ZCCHC8: variants seen among roughly 807,000 people sequenced by gnomAD.
The protein encoded by ZCCHC8 is zinc finger CCHC domain-containing protein 8.
In ZCCHC8, 27 loss-of-function variants were observed where a neutral mutation model predicts 70.6. That is an observed-to-expected ratio of 0.38 (90% CI 0.28 to 0.53). ZCCHC8 has a LOEUF of 0.53. ZCCHC8 is among the 20% of genes least tolerant of loss of function. The probability of loss-of-function intolerance (pLI) is 0.81; values close to 1 mark genes in which losing one functional copy is unlikely to be tolerated. For missense variants in ZCCHC8, 737 were observed against 876.9 expected, an observed-to-expected ratio of 0.84 and a Z score of 2.01; for synonymous variants, 293 against 317.4, an observed-to-expected ratio of 0.92 and a Z score of 0.82.
intron 2 of ZCCHC8, among the ~76,000 whole-genome samples, chr12:122,496,821 T>C (rs923570616): frequency 6.6e-6 from 1 of 151,908 alleles, no homozygotes; most frequent in Non-Finnish European, 1.5e-5. Flanking sequence ...TTAGCTCACA[T>C]AGAGAAAAAA....
intron 1 of ZCCHC8, 162 bp from the exon 2 acceptor site, chr12:122,499,031 T>A: frequency 1.4e-6 from 1 of 699,808 alleles, no homozygotes; most frequent in Non-Finnish European, 2.4e-6. Flanking sequence ...GTTGCAGGGG[T>A]AGGCTTTTGA....
Position 122,473,289 on chromosome 12 carries a change from T to C in ZCCHC8, c.*208A>G, listed in dbSNP as rs1957347263. ...CTCTAAACCAGGTCATATTCACATC[T>C]CCCCCCAAGTTTTGTCAGTGAGAAT... On this transcript the variant is annotated 3_prime_UTR_variant, in exon 14 of 14. Transcript: ENST00000633063. 6.9e-6 allele frequency: 4 copies of C among 582,400 alleles called. No individual in the cohort carries two copies. Among genetic ancestry groups the C allele is most frequent in the Middle Eastern group, 4.7e-4 (1 of 2,150 alleles). 36.1% of individuals were successfully genotyped at this position (582,400 alleles called of 1,614,324 possible).
chr12:122,491,562 C>T (rs1253957922), intron 3 of ZCCHC8, among the ~76,000 whole-genome samples: 2 of 146,760 alleles, frequency 1.4e-5, no homozygotes. Context: ...GGTGCGGTGC[C>T]TCATACCTGT....
Position 122,478,212 on chromosome 12 carries a change from G to A in ZCCHC8, c.1221C>T (p.Phe407=), listed in dbSNP as rs777352258. 8.7e-5 allele frequency: 138 copies of A among 1,593,918 alleles called. 2 individuals are homozygous for A. The highest frequency in any genetic ancestry group is 1.8e-5 in the Admixed American group (1 of 56,848). Residue 407 remains phenylalanine, a synonymous_variant, in exon 12 of 14, where the codon TTC becomes TTT. Coordinates refer to ENST00000633063, the MANE Select transcript of ZCCHC8 (RefSeq NM_017612.5). ...ACCCTTAAAATCTATTTACCGCTTG[G>A]AAGTTAGAAGTAAGGTAATTGGCAA... ...DVFANYLTSN[F]QAPGVKSGNK...
At position 122,500,926 on chromosome 12, in the gene ZCCHC8, G is replaced by C; in HGVS notation, c.-86C>G. ...GGTTGGAAGGCGGCACCACTCTCTA[G>C]AGCTCTGGCCGCACGGAGCCACCCG... On this transcript the variant is annotated 5_prime_UTR_variant, in exon 1 of 14. Transcript: ENST00000633063. This position sits in a 1 kb window ranked among gnomAD's most constrained non-coding sequence, Gnocchi z 4.8. 1 of 1,423,248 alleles carries C rather than the reference G, an allele frequency of 7.0e-7. No individual in the cohort carries two copies. The highest frequency in any genetic ancestry group is 2.5e-5 in the East Asian group (1 of 40,072). 88.2% of individuals were successfully genotyped at this position (1,423,248 alleles called of 1,614,324 possible). A position where few individuals can be genotyped will look rare whatever the true frequency, so the allele number is the denominator to read the frequency against.
At chr12:122,479,040 A>T (rs963412619) in intron 11 of ZCCHC8, among the ~76,000 whole-genome samples, 1 of 151,980 alleles carries the variant, frequency 6.6e-6, no homozygotes, top group Non-Finnish European at 1.5e-5. Flanking sequence ...CTGTTTCCCT[A>T]CTGTCCAGTT....
Position 122,473,429 on chromosome 12 carries a change from T to G in ZCCHC8, c.*68A>C. 6.8e-7 allele frequency: 1 copy of G among 1,478,672 alleles called. No individual in the cohort carries two copies. 91.6% of individuals were successfully genotyped at this position (1,478,672 alleles called of 1,614,324 possible). A position where few individuals can be genotyped will look rare whatever the true frequency, so the allele number is the denominator to read the frequency against. On this transcript the variant is annotated 3_prime_UTR_variant, in exon 14 of 14. Transcript: ENST00000633063. Reference sequence around the variant, plus strand: ...GGACAAACAGGAAAACCATTCTATCTATCCACTTAATTAGTACTAATTAAC... The same window carrying G: ...GGACAAACAGGAAAACCATTCTATCGATCCACTTAATTAGTACTAATTAAC...
chr12:122,478,228 T>A lies in ZCCHC8; in HGVS notation c.1205A>T (p.Tyr402Phe), dbSNP rs2137327262. 6.2e-7 allele frequency: 1 copy of A among 1,600,268 alleles called. No individual in the cohort carries two copies. Among genetic ancestry groups the A allele is most frequent in the Non-Finnish European group, 8.5e-7 (1 of 1,173,166 alleles). ...ACQQKDVFAN[Y>F]LTSNFQAPGV... is the part of the protein sequence containing the mutation. ...TACCGCTTGGAAGTTAGAAGTAAGG[T>A]AATTGGCAAACACATCCTTCTGCTG... The change falls in exon 12 of 14, where the codon TAC becomes TTC. Residue 402 changes from tyrosine (Y) to phenylalanine (F), a missense_variant. By Grantham distance (22) the Tyr-to-Phe change is conservative. Transcript: ENST00000633063.
chr12:122,499,029 G>T, intron 1 of ZCCHC8, 160 bp from the exon 2 acceptor site: 1 of 708,876 alleles, frequency 1.4e-6, no homozygotes, highest in Non-Finnish European at 2.4e-6. Context: ...TTGTTGCAGG[G>T]GTAGGCTTTT....
Position 122,492,699 on chromosome 12 carries a change from G to T in ZCCHC8, c.317+16C>A. Reference sequence around the variant, plus strand: ...AAACACATTATTATATTTAGGAAAGGGAAAAAATTACTTACTTTGAAATAG... The same window carrying T: ...AAACACATTATTATATTTAGGAAAGTGAAAAAATTACTTACTTTGAAATAG... On this transcript the variant is annotated intron_variant, in intron 3 of 13. Coordinates refer to ENST00000633063, the MANE Select transcript of ZCCHC8 (RefSeq NM_017612.5). The T allele has an allele frequency of 6.8e-7, 1 of 1,473,538 alleles. No homozygotes were observed. The highest frequency in any genetic ancestry group is 1.3e-5 in the South Asian group (1 of 79,652). The allele number at this position is 1,473,538 out of a possible 1,614,324, so 91.3% of individuals were successfully genotyped here.
intron 13 of ZCCHC8, among the ~76,000 whole-genome samples, chr12:122,476,963 A>G (rs1462964621): frequency 1.3e-5 from 2 of 151,390 alleles, no homozygotes; most frequent in African/African-American, 4.8e-5. Context: ...CGGAGGTTGC[A>G]GTGAGCCAAG....
At chr12:122,493,102 A>G (rs567879121) in intron 2 of ZCCHC8, among the ~76,000 whole-genome samples, 1 of 152,238 alleles carries the variant, frequency 6.6e-6, no homozygotes. Flanking sequence ...TCCTGAGCTC[A>G]AGGGATCCAC....
Position 122,483,133 on chromosome 12 carries a change from A to G in ZCCHC8, c.671+146T>C, listed in dbSNP as rs1957568384. 1 of 726,810 alleles carries G rather than the reference A, an allele frequency of 1.4e-6. No individual in the cohort carries two copies. Among genetic ancestry groups the G allele is most frequent in the African/African-American group, 1.8e-5 (1 of 56,086 alleles). 45.0% of individuals were successfully genotyped at this position (726,810 alleles called of 1,614,324 possible). A position where few individuals can be genotyped will look rare whatever the true frequency, so the allele number is the denominator to read the frequency against. Reference sequence around the variant, plus strand: ...CAGATGATTCATTTAAACATTTAACATATATGTATGGATTAAAATTCTAGC... The same window carrying G: ...CAGATGATTCATTTAAACATTTAACGTATATGTATGGATTAAAATTCTAGC... On this transcript the variant is annotated intron_variant, in intron 7 of 13. Coordinates refer to ENST00000633063, the MANE Select transcript of ZCCHC8 (RefSeq NM_017612.5). The surrounding 1 kb of genome is among the most constrained non-coding windows in gnomAD (Gnocchi z 4.4).
chr12:122,486,374 T>C (rs1957637630), intron 5 of ZCCHC8, among the ~76,000 whole-genome samples: 2 of 123,422 alleles, frequency 1.6e-5, no homozygotes, highest in African/African-American at 3.2e-5. Context: ...GATTGTGCCA[T>C]GGCACTCTAG....
chr12:122,500,203 G>C lies in ZCCHC8; in HGVS notation c.199+439C>G, dbSNP rs1166698218. 5.8e-6 allele frequency: 1 copy of C among 171,276 alleles called. No individual in the cohort carries two copies. Among genetic ancestry groups the C allele is most frequent in the African/African-American group, 2.4e-5 (1 of 41,638 alleles). 10.6% of individuals were successfully genotyped at this position (171,276 alleles called of 1,614,324 possible). ...TCTGGGACCACTAGCGTTTGCCCCGGTATAAAAACCGATCCCGCGTCTAAG... is the reference window on the plus strand; with the variant it reads ...TCTGGGACCACTAGCGTTTGCCCCGCTATAAAAACCGATCCCGCGTCTAAG... On this transcript the variant is annotated intron_variant, in intron 1 of 13. Transcript: ENST00000633063. The surrounding 1 kb of genome is among the most constrained non-coding windows in gnomAD (Gnocchi z 4.8).
Position 122,483,634 on chromosome 12 carries a change from A to T in ZCCHC8, c.502-71T>A. The T allele has an allele frequency of 8.4e-7, 1 of 1,186,678 alleles. No homozygotes were observed. Among genetic ancestry groups the T allele is most frequent in the Non-Finnish European group, 1.2e-6 (1 of 833,714 alleles). 73.5% of individuals were successfully genotyped at this position (1,186,678 alleles called of 1,614,324 possible). A position where few individuals can be genotyped will look rare whatever the true frequency, so the allele number is the denominator to read the frequency against. ...AGACATTAAATAATGTAAGATTATG[A>T]TTAACTGTTTTAACAATTTATTTTT... On this transcript the variant is annotated intron_variant, in intron 5 of 13. Coordinates refer to ENST00000633063, the MANE Select transcript of ZCCHC8 (RefSeq NM_017612.5). The surrounding 1 kb of genome is among the most constrained non-coding windows in gnomAD (Gnocchi z 4.4).
intron 5 of ZCCHC8, among the ~76,000 whole-genome samples, chr12:122,485,518 C>A (rs1957616221): frequency 6.6e-6 from 1 of 152,116 alleles, no homozygotes. Context: ...GTCCTAACCT[C>A]CAATTTTATA....
At chr12:122,489,569 T>G (rs1957708828) in intron 4 of ZCCHC8, 106 bp from the exon 5 acceptor site, 5 of 1,000,562 alleles carry the variant, frequency 5.0e-6, no homozygotes, top group Non-Finnish European at 7.7e-6. Context: ...ATGAACGACA[T>G]TTCATGTGGG....
At position 122,481,649 on chromosome 12, in the gene ZCCHC8, A is replaced by G; in HGVS notation, c.891T>C (p.Asp297=). ...GACTCTTGTCTGTCACACCTAGTGC[A>G]TCTTGAAGTTCCTCACTAAGTAAAA... ...KPGVISEELQ[D]ALGVTDKSLP... Residue 297 remains aspartate (D), a synonymous_variant, in exon 10 of 14, where the codon GAT becomes GAC. Transcript: ENST00000633063. The G allele has an allele frequency of 6.2e-7, 1 of 1,610,764 alleles. No individual in the cohort carries two copies. Among genetic ancestry groups the G allele is most frequent in the African/African-American group, 1.3e-5 (1 of 74,918 alleles).
Sources: gnomAD v4.1 joint callset for allele counts (sites outside exome capture counted in the v4.1 genomes callset) on GRCh38, gnomAD v4.1.1 for gene constraint, Gnocchi (gnomAD v3.1) non-coding constraint, MANE v1.5 for transcripts, NCBI Gene and HGNC (gene_info 2026-07-23, HGNC 2026-07-21) for gene names.